TAFA5: variants seen among roughly 807,000 people sequenced by gnomAD.
TAFA5 encodes the protein chemokine-like protein TAFA-5.
TAFA5 carries 6 observed loss-of-function variants against 15.3 expected under a neutral mutation model. The ratio of observed to expected loss-of-function variants is 0.39; its 90% CI spans 0.21 to 0.77. TAFA5 has a LOEUF of 0.77. Among genes scored for constraint, TAFA5 ranks in the 30% least tolerant of loss-of-function variants. The probability of loss-of-function intolerance (pLI) is 0.41; values close to 1 mark genes in which losing one functional copy is unlikely to be tolerated. For missense variants in TAFA5, 161 were observed against 193.1 expected, an observed-to-expected ratio of 0.83 and a Z score of 0.98; for synonymous variants, 103 against 80.7, an observed-to-expected ratio of 1.28 and a Z score of -1.48.
At chr22:48,635,522 C>T (rs186093296) in intron 1 of TAFA5, among the ~76,000 whole-genome samples, 59 of 152,356 alleles carry the variant, frequency 3.9e-4, no homozygotes, top group African/African-American at 1.3e-3. Flanking sequence ...GGCGTCACTG[C>T]GCAGCGCATT....
intron 1 of TAFA5, among the ~76,000 whole-genome samples, chr22:48,575,184 G>A (rs1923720998): frequency 6.6e-6 from 1 of 152,046 alleles, no homozygotes. Context: ...CGCCACTCGA[G>A]GCCCCGCGTC....
chr22:48,522,202 C>T lies in TAFA5; in HGVS notation c.112+32498C>T, dbSNP rs115597109. Among the ~76,000 whole-genome samples, 348 of 151,966 alleles carry T rather than the reference C, an allele frequency of 2.3e-3. 1 individual carries two copies. Among genetic ancestry groups the T allele is most frequent in the African/African-American group, 7.5e-3 (312 of 41,448 alleles). On this transcript the variant is annotated intron_variant, in intron 1 of 3. Transcript: ENST00000402357. ...TTGCTGTCCAAGACTGGAACCTCCT[C>T]CCACCCCTCCCTCTGTCCCCTGCGT...
chr22:48,574,386 A>ACAG lies in TAFA5; in HGVS notation c.113-72208_113-72206dup, dbSNP rs558966503. ...GGGCACCGCGAGCCAGGTCAGGCAG[A>ACAG]CAGCATCAAGCTTAGTGGCTGGTCC... On this transcript the variant is annotated intron_variant, in intron 1 of 3. Transcript: ENST00000402357. Among the ~76,000 whole-genome samples, 27 of 152,256 alleles carry ACAG rather than the reference A, an allele frequency of 1.8e-4. No homozygotes were observed. In the East Asian group the frequency reaches 5.0e-3, roughly 28 times the overall value.
intron 2 of TAFA5, among the ~76,000 whole-genome samples, chr22:48,649,144 A>C (rs1030370244): frequency 6.6e-6 from 1 of 152,232 alleles, no homozygotes; most frequent in African/African-American, 2.4e-5. Context: ...TGAAGGGAGC[A>C]TGCCTTGCCC....
At chr22:48,704,645 A>G (rs1459489837) in intron 2 of TAFA5, among the ~76,000 whole-genome samples, 3 of 150,638 alleles carry the variant, frequency 2.0e-5, no homozygotes, top group African/African-American at 7.3e-5. Flanking sequence ...CCCACGTGCC[A>G]TGTTAGTGGC....
intron 1 of TAFA5, among the ~76,000 whole-genome samples, chr22:48,634,923 A>G (rs1430817220): frequency 6.6e-6 from 1 of 151,798 alleles, no homozygotes; most frequent in Admixed American, 6.6e-5. Context: ...AGCTTGCTGC[A>G]CTCTTTGGTT....
chr22:48,520,265 G>A lies in TAFA5; in HGVS notation c.112+30561G>A, dbSNP rs577234881. Among the ~76,000 whole-genome samples the A allele has an allele frequency of 2.0e-5, 3 of 152,356 alleles. No homozygotes were observed. In the East Asian group the frequency reaches 5.8e-4, roughly 29 times the overall value. The stretch of plus-strand genomic sequence containing the variant: ...ACTGTGTGAGATGCCGGGTTTGTGG[G>A]ATTTTGTTATGCCGACACAGGCCAC... On this transcript the variant is annotated intron_variant, in intron 1 of 3. Transcript: ENST00000402357.
chr22:48,586,259 C>T (rs954565022), intron 1 of TAFA5, among the ~76,000 whole-genome samples: 3 of 152,254 alleles, frequency 2.0e-5, no homozygotes, highest in Non-Finnish European at 4.4e-5. Context: ...GCAGAGGTGG[C>T]GTGGGTGTTG....
chr22:48,648,707 G>A (rs1926951315), intron 2 of TAFA5, among the ~76,000 whole-genome samples: 1 of 152,096 alleles, frequency 6.6e-6, no homozygotes, highest in Admixed American at 6.6e-5. Context: ...GCGTGGTGGT[G>A]TGCACCAGCT....
In TAFA5 at chr22:48,678,937, C is replaced by T. The variant is rs369089084; in HGVS notation, c.263-28780C>T. Reference sequence around the variant, plus strand: ...CCGGCTCCCCAGCTCCCCGTCCATCCGTCTCCCAGCTCTGCGTCCATCCCT... The same window carrying T: ...CCGGCTCCCCAGCTCCCCGTCCATCTGTCTCCCAGCTCTGCGTCCATCCCT... On this transcript the variant is annotated intron_variant, in intron 2 of 3. Coordinates refer to ENST00000402357, the MANE Select transcript of TAFA5 (RefSeq NM_001082967.3). Among the ~76,000 whole-genome samples, 432 of 145,446 alleles carry T rather than the reference C, an allele frequency of 3.0e-3. 9 individuals carry two copies. In the East Asian group the frequency reaches 0.062, roughly 21 times the overall value.
chr22:48,705,485 A>AC (rs377501084), intron 2 of TAFA5, among the ~76,000 whole-genome samples: 73 of 151,852 alleles, frequency 4.8e-4, no homozygotes, highest in African/African-American at 1.7e-3. Flanking sequence ...CCCTGCGATG[A>AC]CCCCAGGGCC....
chr22:48,597,365 C>T (rs976795194), intron 1 of TAFA5, among the ~76,000 whole-genome samples: 16 of 151,982 alleles, frequency 1.1e-4, no homozygotes, highest in South Asian at 4.2e-4. Context: ...CTCTTCACCA[C>T]GCCACCTGGC....
chr22:48,702,089 G>C (rs575279601), intron 2 of TAFA5, among the ~76,000 whole-genome samples: 12 of 151,878 alleles, frequency 7.9e-5, no homozygotes, highest in Non-Finnish European at 1.6e-4. Context: ...ACGCATGTGT[G>C]GTTAGTCTGC....
intron 1 of TAFA5, among the ~76,000 whole-genome samples, chr22:48,546,299 A>G (rs1382620066): frequency 7.2e-5 from 11 of 152,308 alleles, no homozygotes; most frequent in Middle Eastern, 3.4e-3. Flanking sequence ...CGGCATTGTC[A>G]GTCCTCATGT....
At chr22:48,722,726 G>A (rs1433798698) in intron 3 of TAFA5, among the ~76,000 whole-genome samples, 1 of 152,218 alleles carries the variant, frequency 6.6e-6, no homozygotes, top group African/African-American at 2.4e-5. Flanking sequence ...GAAAAAGAAA[G>A]TAAGATCAAC....
At chr22:48,685,152 A>T (rs1421896303) in intron 2 of TAFA5, among the ~76,000 whole-genome samples, 2 of 152,196 alleles carry the variant, frequency 1.3e-5, no homozygotes, top group Non-Finnish European at 2.9e-5. Flanking sequence ...AGATTTCCTG[A>T]TTGGCAATTG....
intron 3 of TAFA5, among the ~76,000 whole-genome samples, chr22:48,741,753 C>G (rs1930186447): frequency 6.6e-6 from 1 of 152,172 alleles, no homozygotes; most frequent in Admixed American, 6.5e-5. Context: ...ACCTGTGGAT[C>G]CCAGACGTCC....
rs138414659 is a variant in TAFA5, at chr22:48,567,945, TG to T, written c.112+78244del. 2.1e-3 allele frequency among the ~76,000 whole-genome samples: 315 copies of T among 152,234 alleles called. 1 individual carries two copies. The highest frequency in any genetic ancestry group is 6.6e-3 in the African/African-American group (273 of 41,548). ...CTGGAGTGGCCTGCAGTCCTAGAGCTGGGAGGTGAGACCAGTGAAGAGCATG... is the reference window on the plus strand; with the variant it reads ...CTGGAGTGGCCTGCAGTCCTAGAGCTGGAGGTGAGACCAGTGAAGAGCATG... On this transcript the variant is annotated intron_variant, in intron 1 of 3. Coordinates refer to ENST00000402357, the MANE Select transcript of TAFA5 (RefSeq NM_001082967.3).
intron 1 of TAFA5, among the ~76,000 whole-genome samples, chr22:48,621,553 G>A (rs538954246): frequency 9.5e-4 from 145 of 152,270 alleles, no homozygotes; most frequent in African/African-American, 3.4e-3. Context: ...GGGCATCGGC[G>A]GTTGTAGCAG....
Sources: gnomAD v4.1 joint callset for allele counts (sites outside exome capture counted in the v4.1 genomes callset) on GRCh38, gnomAD v4.1.1 for gene constraint, MANE v1.5 for transcripts, NCBI Gene and HGNC (gene_info 2026-07-23, HGNC 2026-07-21) for gene names.